MSRA: variants seen among roughly 807,000 people sequenced by gnomAD.
MSRA encodes methionine sulfoxide reductase A, also known as mitochondrial peptide methionine sulfoxide reductase.
In MSRA, 54 loss-of-function variants were observed where a neutral mutation model predicts 31.3. The observed-to-expected ratio is 1.73, with a 90% confidence interval of 1.39 to 2.17. The LOEUF (loss-of-function observed/expected upper bound fraction) is 2.17, where lower values mean the gene tolerates loss of function less well. Among genes scored for constraint, MSRA ranks in the 30% most tolerant of loss-of-function variants. The pLI, the probability that MSRA is intolerant of heterozygous loss-of-function variation, is 0.00. For missense variants in MSRA, 507 were observed against 300.9 expected (o/e 1.69, Z -5.07); for synonymous variants, 169 against 116.5 (o/e 1.45, Z -2.90).
chr8:10,322,585 C>T (rs760607250), intron 5 of MSRA, among the ~76,000 whole-genome samples: 2 of 152,046 alleles, frequency 1.3e-5, no homozygotes, highest in Non-Finnish European at 2.9e-5. Flanking sequence ...CATGGGCATC[C>T]AAGGGGCTGT....
intron 1 of MSRA, among the ~76,000 whole-genome samples, chr8:10,163,472 A>C (rs564647042): frequency 2.0e-5 from 3 of 152,274 alleles, no homozygotes; most frequent in Non-Finnish European, 2.9e-5. Flanking sequence ...ATCTGCCCGG[A>C]GGCCGTTCCT....
rs78124044 is a variant in MSRA, at chr8:10,156,845, T to C, written c.143-50988T>C. Among the ~76,000 whole-genome samples, 80 of 142,702 alleles carry C rather than the reference T, an allele frequency of 5.6e-4. 2 individuals carry two copies. In the East Asian group the frequency reaches 0.016, roughly 29 times the overall value. The allele number at this position is 142,702 out of a possible 152,430, so 93.6% of individuals were successfully genotyped here. On this transcript the variant is annotated intron_variant, in intron 1 of 5. Transcript: ENST00000317173. The stretch of plus-strand genomic sequence containing the variant: ...TTTTTTTAGCTTCATTCTTTAGAAA[T>C]TGGATTCTTTACTTAGTCAAGTCTA...
chr8:10,318,803 C>A (rs1236944374), intron 4 of MSRA, among the ~76,000 whole-genome samples: 17 of 152,172 alleles, frequency 1.1e-4, no homozygotes, highest in Admixed American at 7.2e-4. Context: ...ATCTGGGCTT[C>A]ACGCTTGAGG....
chr8:10,105,190 C>G (rs1028742706), intron 1 of MSRA, among the ~76,000 whole-genome samples: 6 of 151,712 alleles, frequency 4.0e-5, no homozygotes, highest in Admixed American at 1.3e-4. Context: ...GATACCTTCT[C>G]AATCTTTTTT....
chr8:10,420,135 C>T (rs1273900859), intron 5 of MSRA, among the ~76,000 whole-genome samples: 1 of 152,148 alleles, frequency 6.6e-6, no homozygotes, highest in East Asian at 1.9e-4. Context: ...CGCATGCCAC[C>T]TCCTGGAGGA....
intron 3 of MSRA, among the ~76,000 whole-genome samples, chr8:10,247,732 C>G (rs2975713): frequency 6.6e-6 from 1 of 152,146 alleles, no homozygotes; most frequent in African/African-American, 2.4e-5. Context: ...GTTATAGGGT[C>G]TTACCCATAC....
chr8:10,219,847 T>C (rs1410638926), intron 2 of MSRA, among the ~76,000 whole-genome samples: 1 of 146,202 alleles, frequency 6.8e-6, no homozygotes, highest in Non-Finnish European at 1.5e-5. Context: ...TTAGGTCCAG[T>C]ACAATGTACA....
intron 5 of MSRA, among the ~76,000 whole-genome samples, chr8:10,410,160 A>T (rs1351970060): frequency 6.6e-6 from 1 of 152,234 alleles, no homozygotes. Context: ...CCATGGTCCC[A>T]TCCGTTGCTG....
chr8:10,346,739 AG>A (rs1235350508), intron 5 of MSRA, among the ~76,000 whole-genome samples: 2 of 152,214 alleles, frequency 1.3e-5, no homozygotes, highest in African/African-American at 4.8e-5. Flanking sequence ...TTCTTGGGTT[AG>A]TCCTAGAATT....
chr8:10,059,251 ATAATAGCTCACAC>A (rs1251985710), intron 1 of MSRA, among the ~76,000 whole-genome samples: 1 of 152,240 alleles, frequency 6.6e-6, no homozygotes, highest in Non-Finnish European at 1.5e-5. Context: ...ATATATGATG[ATAATAGCTCACAC>A]TTGTTAAGTG....
rs114726009 is a variant in MSRA, at chr8:10,364,023, C to G, written c.543+44034C>G. Among the ~76,000 whole-genome samples, 514 of 152,258 alleles carry G rather than the reference C, an allele frequency of 3.4e-3. 3 individuals are homozygous for G. The highest frequency in any genetic ancestry group is 0.012 in the African/African-American group (489 of 41,534). On this transcript the variant is annotated intron_variant, in intron 5 of 5. Transcript: ENST00000317173. ...GGTCAGAGAGAACTGTTTCCTTTCTCTAGACCTTACCCTGTTCTCTGCCAG... is the reference window on the plus strand; with the variant it reads ...GGTCAGAGAGAACTGTTTCCTTTCTGTAGACCTTACCCTGTTCTCTGCCAG...
intron 3 of MSRA, 107 bp from the exon 4 acceptor site, chr8:10,301,427 A>G: frequency 2.6e-6 from 2 of 775,094 alleles, no homozygotes; most frequent in Non-Finnish European, 4.3e-6. Context: ...TTCTTCCTTC[A>G]CAGGGTAGAG....
At chr8:10,191,869 T>C (rs1807539711) in intron 1 of MSRA, among the ~76,000 whole-genome samples, 1 of 152,204 alleles carries the variant, frequency 6.6e-6, no homozygotes, top group South Asian at 2.1e-4. Flanking sequence ...TCAATTATTC[T>C]AAAACTTAGC....
intron 1 of MSRA, among the ~76,000 whole-genome samples, chr8:10,192,362 G>A (rs7822181): frequency 6.6e-6 from 1 of 151,930 alleles, no homozygotes; most frequent in Non-Finnish European, 1.5e-5. Context: ...ACCAGTGAGC[G>A]GTAGAGTGGA....
chr8:10,196,098 C>G (rs1032753276), intron 1 of MSRA, among the ~76,000 whole-genome samples: 1 of 152,192 alleles, frequency 6.6e-6, no homozygotes, highest in Non-Finnish European at 1.5e-5. Flanking sequence ...CTCAGCTGCT[C>G]TCTGACAGCT....
At chr8:10,240,155 A>G (rs1174099807) in intron 2 of MSRA, among the ~76,000 whole-genome samples, 1 of 152,208 alleles carries the variant, frequency 6.6e-6, no homozygotes, top group African/African-American at 2.4e-5. Flanking sequence ...ATGTGAGTGT[A>G]AGAACACATC....
At chr8:10,404,998 A>C (rs1214626978) in intron 5 of MSRA, among the ~76,000 whole-genome samples, 1 of 152,156 alleles carries the variant, frequency 6.6e-6, no homozygotes, top group East Asian at 1.9e-4. Context: ...CAGGCTCCAG[A>C]TGTGGGGCCT....
At chr8:10,295,036 T>C (rs1239083098) in intron 3 of MSRA, among the ~76,000 whole-genome samples, 1 of 152,122 alleles carries the variant, frequency 6.6e-6, no homozygotes, top group East Asian at 1.9e-4. Context: ...TAGATGAGTT[T>C]ATTAGGACTT....
chr8:10,083,784 T>G (rs1431752669), intron 1 of MSRA, among the ~76,000 whole-genome samples: 1 of 152,222 alleles, frequency 6.6e-6, no homozygotes, highest in African/African-American at 2.4e-5. Flanking sequence ...TTGATGTCTG[T>G]GGATTAATGG....
Sources: allele counts gnomAD v4.1 joint callset (sites outside exome capture counted in the v4.1 genomes callset), GRCh38; gene constraint gnomAD v4.1.1; transcripts MANE v1.5; gene names NCBI Gene and HGNC (gene_info 2026-07-23, HGNC 2026-07-21).